The following EYA4 variants were observed in gnomAD, a reference collection of about 807,000 sequenced individuals.
EYA4 encodes EYA transcriptional coactivator and phosphatase 4, also known as protein phosphatase EYA4.
EYA4 carries 31 observed loss-of-function variants against 87.9 expected under a neutral mutation model. The observed-to-expected ratio is 0.35, with a 90% CI of 0.27 to 0.48. The LOEUF is 0.48. EYA4 is among the 20% of genes least tolerant of loss of function. EYA4 has a pLI of 0.99. For missense variants in EYA4, 678 were observed against 761.4 expected (o/e 0.89, Z 1.29); for synonymous variants, 263 against 270.6 (o/e 0.97, Z 0.28).
chr6:133,436,501 G>GA (rs911801291), intron 3 of EYA4, among the ~76,000 whole-genome samples: 74 of 152,218 alleles, frequency 4.9e-4, no homozygotes, highest in African/African-American at 1.6e-3. Flanking sequence ...TAGGAATAGG[G>GA]AAAAAAATTC....
At chr6:133,311,741 C>T (rs543260244) in intron 2 of EYA4, among the ~76,000 whole-genome samples, 1 of 152,186 alleles carries the variant, frequency 6.6e-6, no homozygotes, top group South Asian at 2.1e-4. Flanking sequence ...TCTGCTTCTC[C>T]TGGATTGTAA....
intron 2 of EYA4, among the ~76,000 whole-genome samples, chr6:133,335,159 A>G (rs1782272122): frequency 6.6e-6 from 1 of 152,202 alleles, no homozygotes; most frequent in African/African-American, 2.4e-5. Context: ...GATCACTAAA[A>G]GAAAATTAAA....
At chr6:133,441,654 A>T (rs1319708633) in intron 3 of EYA4, among the ~76,000 whole-genome samples, 14 of 152,028 alleles carry the variant, frequency 9.2e-5, no homozygotes, top group African/African-American at 3.1e-4. Context: ...GGTCTGGTGG[A>T]AAAAAATGGT....
intron 14 of EYA4, among the ~76,000 whole-genome samples, chr6:133,508,156 T>G (rs557868448): frequency 6.6e-6 from 1 of 152,184 alleles, no homozygotes; most frequent in Non-Finnish European, 1.5e-5. Context: ...TTTTTCTCTA[T>G]GGTGAGTCAT....
chr6:133,528,090 T>TC (rs1562523693), intron 19 of EYA4, among the ~76,000 whole-genome samples: 1 of 152,170 alleles, frequency 6.6e-6, no homozygotes, highest in Non-Finnish European at 1.5e-5. Context: ...GGAGATATCT[T>TC]CCCCATTGAA....
chr6:133,411,920 C>G (rs1460452468), intron 3 of EYA4, among the ~76,000 whole-genome samples: 3 of 152,316 alleles, frequency 2.0e-5, no homozygotes, highest in Admixed American at 1.3e-4. Context: ...AGCATTCCAT[C>G]AAGCTTATAC....
rs77326042 is a variant in EYA4 at position 133,304,510 on chromosome 6, A to G, written c.33+29697A>G. ...GGCTTTAACAGAGGTGGGTGAGACA[A>G]TGAGGTACAGATAAGGATTCTCAAG... On this transcript the variant is annotated intron_variant, in intron 2 of 19. Coordinates refer to ENST00000355286, the MANE Select transcript of EYA4 (RefSeq NM_004100.5). 4.6e-5 allele frequency among the ~76,000 whole-genome samples: 7 copies of G among 152,322 alleles called. No individual in the cohort carries two copies. The East Asian group carries it at 9.7e-4, about 21-fold the overall frequency.
chr6:133,287,603 A>G (rs1309654581), intron 2 of EYA4, among the ~76,000 whole-genome samples: 1 of 152,108 alleles, frequency 6.6e-6, no homozygotes, highest in Non-Finnish European at 1.5e-5. Flanking sequence ...GGCCACCATG[A>G]TGCTCATTAC....
intron 2 of EYA4, among the ~76,000 whole-genome samples, chr6:133,345,819 T>C (rs545318222): frequency 1.1e-4 from 16 of 152,376 alleles, no homozygotes; most frequent in Middle Eastern, 3.4e-3. Context: ...AAGTCTCTTA[T>C]AATACATTTT....
chr6:133,479,179 G>T (rs901925337), intron 11 of EYA4, among the ~76,000 whole-genome samples: 4 of 152,116 alleles, frequency 2.6e-5, no homozygotes, highest in African/African-American at 7.2e-5. Context: ...AATTAAAAAT[G>T]GAACTTTTAT....
At chr6:133,357,710 G>C (rs952217014) in intron 2 of EYA4, among the ~76,000 whole-genome samples, 1 of 152,028 alleles carries the variant, frequency 6.6e-6, no homozygotes, top group African/African-American at 2.4e-5. Context: ...TTTCTCTTAG[G>C]AGGCACTCCA....
chr6:133,330,933 A>T lies in EYA4; in HGVS notation c.34-51459A>T, dbSNP rs535463716. Among the ~76,000 whole-genome samples the T allele has an allele frequency of 4.1e-3, 626 of 151,904 alleles. 1 individual carries two copies. The highest frequency in any genetic ancestry group is 0.013 in the African/African-American group (528 of 41,456). On this transcript the variant is annotated intron_variant, in intron 2 of 19. Coordinates refer to ENST00000355286, the MANE Select transcript of EYA4 (RefSeq NM_004100.5). ...TGTTGGCTGTTGGCAATTTTTTTTT[A>T]AAAGTACATTGACTTTGTGAGAATT...
intron 3 of EYA4, among the ~76,000 whole-genome samples, chr6:133,434,472 CT>C (rs918019870): frequency 6.6e-6 from 1 of 151,940 alleles, no homozygotes; most frequent in South Asian, 2.1e-4. Context: ...CCTTTGGATA[CT>C]TTTTTTTGTG....
chr6:133,277,481 C>T (rs927135951), intron 2 of EYA4, among the ~76,000 whole-genome samples: 4 of 152,230 alleles, frequency 2.6e-5, no homozygotes, highest in Non-Finnish European at 4.4e-5. Flanking sequence ...TCTTCCTCCT[C>T]TATGGAGTGG....
At chr6:133,319,103 C>T (rs1253962967) in intron 2 of EYA4, among the ~76,000 whole-genome samples, 1 of 140,176 alleles carries the variant, frequency 7.1e-6, no homozygotes, top group East Asian at 2.2e-4. Context: ...AAAATTTCAT[C>T]CCTTCTTTCC....
intron 2 of EYA4, among the ~76,000 whole-genome samples, chr6:133,301,193 A>G (rs531394903): frequency 1.3e-5 from 2 of 152,372 alleles, no homozygotes; most frequent in African/African-American, 2.4e-5. Context: ...ATATTAAACC[A>G]TCTTGATAAG....
At chr6:133,422,800 T>C (rs1271429853) in intron 3 of EYA4, among the ~76,000 whole-genome samples, 1 of 152,228 alleles carries the variant, frequency 6.6e-6, no homozygotes, top group East Asian at 1.9e-4. Flanking sequence ...GCTGCCTCCC[T>C]AGTCTTTAGT....
chr6:133,476,560 CTTG>C (rs1370437337), intron 11 of EYA4, among the ~76,000 whole-genome samples: 1 of 152,044 alleles, frequency 6.6e-6, no homozygotes, highest in African/African-American at 2.4e-5. Context: ...TAAGTTCATC[CTTG>C]TTGTCTCAAA....
At chr6:133,314,308 C>A (rs911928281) in intron 2 of EYA4, among the ~76,000 whole-genome samples, 1 of 152,102 alleles carries the variant, frequency 6.6e-6, no homozygotes, top group Non-Finnish European at 1.5e-5. Flanking sequence ...AAACTTTGAC[C>A]ATTTTCAGTT....
Sources: gnomAD v4.1 joint callset for allele counts (sites outside exome capture counted in the v4.1 genomes callset) on GRCh38, gnomAD v4.1.1 for gene constraint, MANE v1.5 for transcripts, NCBI Gene and HGNC (gene_info 2026-07-23, HGNC 2026-07-21) for gene names.